PUDP: variants seen among roughly 807,000 people sequenced by gnomAD.
PUDP encodes pseudouridine 5'-phosphatase, also known as pseudouridine-5'-phosphatase.
Under a neutral mutation model 9.4 loss-of-function variants are expected in PUDP, and 8 were observed. The ratio of observed to expected loss-of-function variants is 0.85; its 90% CI spans 0.50 to 1.53. The LOEUF is 1.53. PUDP is among the 40% of genes most tolerant of loss of function. The probability of loss-of-function intolerance (pLI) is 0.00; values close to 1 mark genes in which losing one functional copy is unlikely to be tolerated. For missense variants in PUDP, 188 were observed against 189.7 expected, an observed-to-expected ratio of 0.99 and a Z score of 0.05; for synonymous variants, 99 against 80.7, an observed-to-expected ratio of 1.23 and a Z score of -1.22.
chrX:7,127,182 G>A (rs529091885), intron 1 of PUDP, among the ~76,000 whole-genome samples: 170 of 111,909 alleles, frequency 1.5e-3, no homozygotes, highest in African/African-American at 5.2e-3. Flanking sequence ...TGAAGGATGA[G>A]GAGTCAGAAA....
In PUDP at chrX:7,105,846, A is replaced by G; in HGVS notation, c.62-8T>C. 1.1e-6 allele frequency: 1 copy of G among 922,610 alleles called. No individual in the cohort carries two copies. The highest frequency in any genetic ancestry group is 1.5e-6 in the Non-Finnish European group (1 of 679,316). The allele number at this position is 922,610 out of a possible 1,213,427, so 76.0% of individuals were successfully genotyped here. A position where few individuals can be genotyped will look rare whatever the true frequency, so the allele number is the denominator to read the frequency against. On this transcript the variant is annotated splice_region_variant and splice_polypyrimidine_tract_variant and intron_variant, in intron 1 of 3. Transcript: ENST00000381077. ...AATACAGCCGTTCAGTATCTGCAGG[A>G]AAAAAAAAAGAGATTTTTAGAGTGC... is the stretch of plus-strand genomic sequence containing the variant.
chrX:6,949,133 C>G (rs1218127957), intron 3 of PUDP, among the ~76,000 whole-genome samples: 4 of 112,010 alleles, frequency 3.6e-5, no homozygotes, highest in Admixed American at 2.8e-4. Flanking sequence ...TTGACATATA[C>G]ATACACTATA....
At chrX:7,130,670 C>T (rs1303272622) in intron 1 of PUDP, among the ~76,000 whole-genome samples, 1 of 109,885 alleles carries the variant, frequency 9.1e-6, no homozygotes, top group Non-Finnish European at 1.9e-5. Context: ...AAAAATTAGC[C>T]GGGTGCACGG....
At chrX:6,859,010 T>C (rs1252985557) in intron 3 of PUDP, among the ~76,000 whole-genome samples, 1 of 111,586 alleles carries the variant, frequency 9.0e-6, no homozygotes, top group Non-Finnish European at 1.9e-5. Flanking sequence ...GTGGCAGGTC[T>C]TTCTTGTGTT....
At chrX:7,039,120 T>G (rs749160477) in intron 1 of PUDP, among the ~76,000 whole-genome samples, 74 of 110,406 alleles carry the variant, frequency 6.7e-4, no homozygotes, top group Non-Finnish European at 1.0e-3. Context: ...TTGTATTGAT[T>G]GGGTCTCCCT....
At chrX:7,067,847 G>C (rs1465011857) in intron 3 of PUDP, among the ~76,000 whole-genome samples, 1 of 111,439 alleles carries the variant, frequency 9.0e-6, no homozygotes, top group Non-Finnish European at 1.9e-5. Context: ...ATTGAATCAG[G>C]GGGGTAGGTC....
At chrX:6,783,594 G>A (rs772724583) in intron 3 of PUDP, among the ~76,000 whole-genome samples, 4 of 111,756 alleles carry the variant, frequency 3.6e-5, no homozygotes, top group Non-Finnish European at 5.6e-5. Flanking sequence ...CAATGAACAC[G>A]AGTGGTGATG....
intron 3 of PUDP, among the ~76,000 whole-genome samples, chrX:6,801,610 T>C: frequency 8.9e-6 from 1 of 112,046 alleles, no homozygotes; most frequent in Non-Finnish European, 1.9e-5. Flanking sequence ...CTAAGTGCAT[T>C]ACAATAGGTG....
chrX:6,948,292 C>T (rs56812556), intron 3 of PUDP, among the ~76,000 whole-genome samples: 4 of 111,497 alleles, frequency 3.6e-5, no homozygotes, highest in South Asian at 3.8e-4. Context: ...TGGGTGAAAC[C>T]GACACCTTGT....
intron 3 of PUDP, among the ~76,000 whole-genome samples, chrX:6,900,055 A>G (rs1344883331): frequency 9.1e-6 from 1 of 110,333 alleles, no homozygotes; most frequent in Non-Finnish European, 1.9e-5. Flanking sequence ...TTTACAACAA[A>G]TAAAACAATA....
intron 2 of PUDP, among the ~76,000 whole-genome samples, chrX:7,089,000 T>G (rs1931346640): frequency 8.9e-6 from 1 of 111,837 alleles, no homozygotes; most frequent in Non-Finnish European, 1.9e-5. Context: ...ACAACCAAAG[T>G]TTAAGTTCTA....
intron 3 of PUDP, among the ~76,000 whole-genome samples, chrX:6,947,073 T>C (rs2146780014): frequency 9.2e-6 from 1 of 108,650 alleles, no homozygotes; most frequent in Non-Finnish European, 1.9e-5. Flanking sequence ...CCATCTTGGC[T>C]CACTGCAACC....
intron 1 of PUDP, among the ~76,000 whole-genome samples, chrX:6,709,711 T>G (rs1009116902): frequency 8.9e-6 from 1 of 112,598 alleles, no homozygotes; most frequent in Non-Finnish European, 1.9e-5. Flanking sequence ...TAGGGTGATG[T>G]ATTTCCATCA....
intron 3 of PUDP, among the ~76,000 whole-genome samples, chrX:6,890,596 C>T (rs138220575): frequency 0.049 from 5,395 of 110,411 alleles, 144 homozygotes; most frequent in East Asian, 0.15. Context: ...CATTTTTGTG[C>T]TCTTTGTTGG....
chrX:6,770,572 A>G lies in PUDP; in HGVS notation c.*248-64106T>C, dbSNP rs567547163. 6.3e-5 allele frequency among the ~76,000 whole-genome samples: 7 copies of G among 111,273 alleles called. No homozygotes were observed. The South Asian group carries it at 1.2e-3, about 18-fold the overall frequency. On this transcript the variant is annotated intron_variant and NMD_transcript_variant, in intron 3 of 3. Coordinates refer to the PUDP transcript ENST00000655425. Reference sequence around the variant, plus strand: ...GGGTATCTACAGAAAGTCAGCACACATCACACAGCTGCACATTCTCTAATG... The same window carrying G: ...GGGTATCTACAGAAAGTCAGCACACGTCACACAGCTGCACATTCTCTAATG...
At chrX:6,895,483 T>C (rs1927577352) in intron 3 of PUDP, among the ~76,000 whole-genome samples, 1 of 108,500 alleles carries the variant, frequency 9.2e-6, no homozygotes, top group Non-Finnish European at 1.9e-5. Context: ...ATAATACTAA[T>C]ATGTTATTAT....
At position 6,708,657 on chromosome X, in the gene PUDP, C is replaced by T. The variant is rs972083370; in HGVS notation, n.129-2191G>A. On this transcript the variant is annotated intron_variant and non_coding_transcript_variant, in intron 1 of 2. Coordinates refer to the PUDP transcript ENST00000438499. ...TGACCTTTGCAAATAAATAATGTAT[C>T]GGTTTCTTTGGCTGCCGTTGTTTTC... 2.7e-5 allele frequency among the ~76,000 whole-genome samples: 3 copies of T among 111,869 alleles called. No homozygotes were observed. The Admixed American group carries it at 2.8e-4, about 11-fold the overall frequency.
intron 3 of PUDP, among the ~76,000 whole-genome samples, chrX:6,963,862 GA>G (rs1928742871): frequency 8.9e-6 from 1 of 112,237 alleles, no homozygotes; most frequent in African/African-American, 3.2e-5. Flanking sequence ...TTGTTCTAAA[GA>G]AACATACAGG....
At position 6,792,646 on chromosome X, in the gene PUDP, C is replaced by G. The variant is rs1047199186; in HGVS notation, c.*248-86180G>C. ...GTTTACTCCTATTAGATCCCACCGC[C>G]TTTGTCCAATTATACTTCTATACAA... On this transcript the variant is annotated intron_variant and NMD_transcript_variant, in intron 3 of 3. Coordinates refer to the PUDP transcript ENST00000655425. 7.1e-5 allele frequency among the ~76,000 whole-genome samples: 8 copies of G among 112,002 alleles called. No homozygotes were observed. The East Asian group carries it at 2.2e-3, about 31-fold the overall frequency.
Sources: allele counts gnomAD v4.1 joint callset (sites outside exome capture counted in the v4.1 genomes callset), GRCh38; gene constraint gnomAD v4.1.1; transcripts MANE v1.5; gene names NCBI Gene and HGNC (gene_info 2026-07-23, HGNC 2026-07-21).